Variants in KIF24 observed in about 807,000 individuals in gnomAD.
KIF24 encodes the protein kinesin-like protein KIF24.
In KIF24, 81 loss-of-function variants were observed where a neutral mutation model predicts 118.9. The ratio of observed to expected loss-of-function variants is 0.68; its 90% CI spans 0.57 to 0.82. The LOEUF is 0.82. Among genes scored for constraint, KIF24 ranks in the 40% least tolerant of loss-of-function variants. KIF24 has a pLI of 0.00. For missense variants in KIF24, 1,560 were observed against 1,661.6 expected, an observed-to-expected ratio of 0.94 and a Z score of 1.06; for synonymous variants, 599 against 610.0, an observed-to-expected ratio of 0.98 and a Z score of 0.27.
At chr9:34,297,553 G>A (rs555793608) in intron 3 of KIF24, among the ~76,000 whole-genome samples, 51 of 152,228 alleles carry the variant, frequency 3.4e-4, no homozygotes, top group African/African-American at 1.2e-3. Context: ...ACAAGGTCAG[G>A]AGATCGAGAC....
In KIF24 at chr9:34,256,868, A is replaced by G; in HGVS notation, c.2739T>C (p.Ser913=). Residue 913 remains serine (S), a synonymous_variant, in exon 11 of 13, where the codon AGT becomes AGC. Coordinates refer to ENST00000402558, the MANE Select transcript of KIF24 (RefSeq NM_194313.4). ...RAALDHSCSP[S]KGPVDWSREN... is the part of the protein sequence containing the mutation. ...CTCTGCTCCAGTCCACGGGCCCCTT[A>G]CTTGGGCTGCAGCTGTGATCGAGTG... 6.2e-7 allele frequency: 1 copy of G among 1,613,810 alleles called. No homozygotes were observed. The highest frequency in any genetic ancestry group is 8.5e-7 in the Non-Finnish European group (1 of 1,179,842).
chr9:34,306,442 C>A lies in KIF24; in HGVS notation c.624-1G>T. 6.4e-7 allele frequency: 1 copy of A among 1,572,242 alleles called. No individual in the cohort carries two copies. Among genetic ancestry groups the A allele is most frequent in the Non-Finnish European group, 8.6e-7 (1 of 1,160,032 alleles). On this transcript the variant is annotated splice_acceptor_variant, in intron 2 of 12. Transcript: ENST00000402558. LOFTEE classifies it high-confidence loss of function. ...ATTCTGTTTCTCTGAAGTGTTCTGT[C>A]TAATATGTTTATAAACAGGCTTTTA...
Position 34,261,820 on chromosome 9 carries a change from T to C in KIF24, c.1515+1281A>G, listed in dbSNP as rs536814708. ...ATCTAGCTCATTCATTTTAACTGCC[T>C]GAAGCCATTATTTTTTTGTGCCGAA... On this transcript the variant is annotated intron_variant, in intron 9 of 12. Transcript: ENST00000402558. Among the ~76,000 whole-genome samples the C allele has an allele frequency of 3.3e-5, 5 of 150,034 alleles. No homozygotes were observed. The South Asian group carries it at 1.1e-3, about 33-fold the overall frequency.
In KIF24 at chr9:34,297,258, ACT is replaced by A. The variant is rs755249941; in HGVS notation, c.814-146_814-145del. The A allele has an allele frequency of 9.3e-4, 533 of 574,048 alleles. 1 individual carries two copies. Among genetic ancestry groups the A allele is most frequent in the Non-Finnish European group, 1.5e-3 (469 of 321,458 alleles). The allele number at this position is 574,048 out of a possible 1,614,324, so 35.6% of individuals were successfully genotyped here. On this transcript the variant is annotated intron_variant, in intron 3 of 12. Transcript: ENST00000402558. ...CAAACTTAGAGGTAAATAAGCAATC[ACT>A]ATTAAATGACAGGGCCTCCTCTTAC... is the stretch of plus-strand genomic sequence containing the variant.
At chr9:34,271,739 G>A (rs545390535) in intron 7 of KIF24, 70 bp downstream of exon 7, 596 of 1,552,130 alleles carry the variant, frequency 3.8e-4, no homozygotes, top group Non-Finnish European at 5.0e-4. Flanking sequence ...TCCTGTTGTT[G>A]AGAAAACATA....
In KIF24 at chr9:34,257,552, G is replaced by A; in HGVS notation, c.2055C>T (p.Ser685=). 1 of 1,614,088 alleles carries A rather than the reference G, an allele frequency of 6.2e-7. No homozygotes were observed. The highest frequency in any genetic ancestry group is 8.5e-7 in the Non-Finnish European group (1 of 1,179,898). Residue 685 remains serine (S), a synonymous_variant, in exon 11 of 13, where the codon AGC becomes AGT. Coordinates refer to ENST00000402558, the MANE Select transcript of KIF24 (RefSeq NM_194313.4). ...MGNKTVLGWE[S]RASGPGEGLV... is the part of the protein sequence containing the mutation. ...GGCCTTCTCCTGGGCCTGAGGCCCT[G>A]CTTTCCCACCCAAGGACAGTTTTGT...
intron 4 of KIF24, among the ~76,000 whole-genome samples, chr9:34,295,746 C>G (rs1563952813): frequency 1.3e-5 from 2 of 151,816 alleles, no homozygotes; most frequent in South Asian, 4.2e-4. Flanking sequence ...TTATGTTGCC[C>G]AGACTGGTCT....
intron 3 of KIF24, among the ~76,000 whole-genome samples, chr9:34,302,004 T>C (rs1474640276): frequency 6.8e-6 from 1 of 147,460 alleles, no homozygotes; most frequent in Non-Finnish European, 1.5e-5. Context: ...TTTCTTTTTT[T>C]TTTTTTTTGA....
At position 34,268,509 on chromosome 9, in the gene KIF24, C is replaced by CTT. The variant is rs551412725; in HGVS notation, c.1443+746_1443+747dup. Among the ~76,000 whole-genome samples the CTT allele has an allele frequency of 5.0e-3, 615 of 123,528 alleles. 10 individuals are homozygous for CTT. Among genetic ancestry groups the CTT allele is most frequent in the Middle Eastern group, 0.013 (3 of 230 alleles). 81.0% of individuals were successfully genotyped at this position (123,528 alleles called of 152,430 possible). On this transcript the variant is annotated intron_variant, in intron 8 of 12. Transcript: ENST00000402558. ...TGACATGATGACTAGGATTTTCTTTCTTTTTTTTTTTTTTTTGAGACTGAG... is the reference window on the plus strand; with the variant it reads ...TGACATGATGACTAGGATTTTCTTTCTTTTTTTTTTTTTTTTTTGAGACTGAG...
At position 34,257,003 on chromosome 9, in the gene KIF24, C is replaced by A; in HGVS notation, c.2604G>T (p.Gln868His). Reference protein sequence around the residue: ...HQTWGQGPEKQVAERQQSLFS... With the variant: ...HQTWGQGPEKHVAERQQSLFS... ...ACAGACTCTGCTGTCTTTCTGCCAC[C>A]TGCTTCTCAGGACCCTGTCCCCACG... The change falls in exon 11 of 13, where the codon CAG becomes CAT. Residue 868 changes from glutamine to histidine, a missense_variant. By Grantham distance (24) the Gln-to-His change is conservative. Transcript: ENST00000402558. 6.2e-7 allele frequency: 1 copy of A among 1,614,048 alleles called. No homozygotes were observed. Among genetic ancestry groups the A allele is most frequent in the Non-Finnish European group, 8.5e-7 (1 of 1,179,906 alleles).
chr9:34,309,524 G>C (rs1224796166), intron 2 of KIF24, among the ~76,000 whole-genome samples: 1 of 143,314 alleles, frequency 7.0e-6, no homozygotes, highest in Admixed American at 7.3e-5. Flanking sequence ...CTGGGCGACA[G>C]TGCGAGACTC....
At chr9:34,295,841 G>A (rs1033616161) in intron 4 of KIF24, among the ~76,000 whole-genome samples, 15 of 151,926 alleles carry the variant, frequency 9.9e-5, no homozygotes, top group African/African-American at 3.1e-4. Context: ...TGTGGCCCAT[G>A]CCTATATTTT....
In KIF24 at chr9:34,310,815, A is replaced by C. The variant is rs768610237; in HGVS notation, c.532T>G (p.Ser178Ala). The C allele has an allele frequency of 6.2e-7, 1 of 1,613,792 alleles. No individual in the cohort carries two copies. Among genetic ancestry groups the C allele is most frequent in the Non-Finnish European group, 8.5e-7 (1 of 1,179,646 alleles). The part of the protein sequence containing the change: ...STSLFSPNYL[S>A]AILGDCDIPI... ...ATATCACAATCCCCCAGTATTGCAG[A>C]AAGGTAATTTGGTGAAAAGAGTGAA... The change falls in exon 2 of 13, where the codon TCT becomes GCT. Residue 178 changes from serine to alanine, a missense_variant. Coordinates refer to ENST00000402558, the MANE Select transcript of KIF24 (RefSeq NM_194313.4).
intron 2 of KIF24, among the ~76,000 whole-genome samples, chr9:34,308,988 G>A (rs1837036803): frequency 6.6e-6 from 1 of 152,234 alleles, no homozygotes; most frequent in African/African-American, 2.4e-5. Context: ...GGCTGAGGCA[G>A]GAGGATCACT....
chr9:34,332,423 G>A (rs769601580), upstream of KIF24, among the ~76,000 whole-genome samples: 5 of 152,124 alleles, frequency 3.3e-5, no homozygotes, highest in Non-Finnish European at 7.4e-5. Context: ...ACTTTCACTA[G>A]CCTGTAAATC....
At position 34,306,332 on chromosome 9, in the gene KIF24, T is replaced by C. The variant is rs375119089; in HGVS notation, c.733A>G (p.Ile245Val). The change falls in exon 3 of 13, where the codon ATT (isoleucine) becomes GTT (valine). Residue 245 changes from isoleucine to valine, a missense_variant. Ile to Val is a conservative substitution (Grantham distance 29). Around this residue, in one of 3 missense-constraint regions of KIF24, gnomAD observed 964 missense variants for 988.0 expected, o/e 0.98. Transcript: ENST00000402558. The stretch of plus-strand genomic sequence containing the variant: ...GTTTCTTTGTCTTCTACAGTAATAA[T>C]ATTAATTTCTCCACGACGTACCTCC... ...MREVRRGEIN[I>V]ITVEDKETLL... The C allele has an allele frequency of 1.2e-6, 2 of 1,610,238 alleles. No homozygotes were observed. Among genetic ancestry groups the C allele is most frequent in the South Asian group, 1.1e-5 (1 of 90,924 alleles).
chr9:34,306,461 GCTTT>G lies in KIF24; in HGVS notation c.624-24_624-21del. The stretch of plus-strand genomic sequence containing the variant: ...TTCTGTCTAATATGTTTATAAACAG[GCTTT>G]TAATTTTTAATAATAGGACAAGATT... On this transcript the variant is annotated intron_variant, in intron 2 of 12. Coordinates refer to ENST00000402558, the MANE Select transcript of KIF24 (RefSeq NM_194313.4). 2 of 1,495,006 alleles carry G rather than the reference GCTTT, an allele frequency of 1.3e-6. No homozygotes were observed. The highest frequency in any genetic ancestry group is 1.8e-6 in the Non-Finnish European group (2 of 1,101,006). 92.6% of individuals were successfully genotyped at this position (1,495,006 alleles called of 1,614,324 possible).
intron 8 of KIF24, among the ~76,000 whole-genome samples, chr9:34,264,058 T>TG (rs1587917133): frequency 6.6e-6 from 1 of 151,598 alleles, no homozygotes; most frequent in Non-Finnish European, 1.5e-5. Context: ...GTGGGGGTCG[T>TG]GGGGGGCAAG....
chr9:34,293,152 A>C (rs1836318437), intron 4 of KIF24, among the ~76,000 whole-genome samples: 1 of 152,166 alleles, frequency 6.6e-6, no homozygotes, highest in African/African-American at 2.4e-5. Context: ...AGCACAAAAA[A>C]ATGGGCAAAT....
Sources: allele counts gnomAD v4.1 joint callset (sites outside exome capture counted in the v4.1 genomes callset), GRCh38; gene constraint gnomAD v4.1.1; regional missense constraint gnomAD v4.1.1; transcripts MANE v1.5; gene names NCBI Gene and HGNC (gene_info 2026-07-23, HGNC 2026-07-21).